NTM: variants seen among roughly 807,000 people sequenced by gnomAD.
NTM encodes neurotrimin, also known as IgLON family member 2.
In NTM, 13 loss-of-function variants were observed where a neutral mutation model predicts 42.1. That is an observed-to-expected ratio of 0.31 (90% CI 0.20 to 0.49). NTM has a LOEUF of 0.49. Ranked by LOEUF, NTM falls within the 20% of genes least tolerant of loss-of-function variation. The probability of loss-of-function intolerance (pLI) is 0.99; values close to 1 mark genes in which losing one functional copy is unlikely to be tolerated. For missense variants in NTM, 373 were observed against 452.8 expected (o/e 0.82, Z 1.60); for synonymous variants, 187 against 179.2 (o/e 1.04, Z -0.35).
rs1453690519 is a variant in NTM at position 132,070,727 on chromosome 11, C to T, written c.168-75555C>T. Among the ~76,000 whole-genome samples, 301 of 143,868 alleles carry T rather than the reference C, an allele frequency of 2.1e-3. 2 individuals carry two copies. The highest frequency in any genetic ancestry group is 7.0e-3 in the African/African-American group (272 of 38,592). 94.4% of individuals were successfully genotyped at this position (143,868 alleles called of 152,430 possible). A position where few individuals can be genotyped will look rare whatever the true frequency, so the allele number is the denominator to read the frequency against. On this transcript the variant is annotated intron_variant, in intron 2 of 8. Coordinates refer to ENST00000683400, the MANE Select transcript of NTM (RefSeq NM_001352005.2). The stretch of plus-strand genomic sequence containing the variant: ...ACAGGTTAGTTAACACGTCACACAG[C>T]CAAGTTAACACGTCAAACTGACCGT...
intron 1 of NTM, among the ~76,000 whole-genome samples, chr11:131,613,080 A>C (rs2061595463): frequency 6.6e-6 from 1 of 152,192 alleles, no homozygotes. Flanking sequence ...TGTCCTCCTC[A>C]TTCAAGCTTC....
At chr11:131,706,186 T>C (rs2076571394) in intron 1 of NTM, among the ~76,000 whole-genome samples, 1 of 151,928 alleles carries the variant, frequency 6.6e-6, no homozygotes, top group Non-Finnish European at 1.5e-5. Context: ...GGAGTGGCTA[T>C]ACTTATACTG....
At chr11:131,928,465 T>C (rs937422365) in intron 2 of NTM, among the ~76,000 whole-genome samples, 1 of 152,246 alleles carries the variant, frequency 6.6e-6, no homozygotes, top group Non-Finnish European at 1.5e-5. Context: ...AAACCTTTTC[T>C]GTGGTCTCCC....
intron 1 of NTM, among the ~76,000 whole-genome samples, chr11:131,727,273 T>C (rs1485382304): frequency 6.6e-6 from 1 of 152,204 alleles, no homozygotes; most frequent in Non-Finnish European, 1.5e-5. Context: ...TCCTTCTAAT[T>C]ACACATATGA....
intron 1 of NTM, among the ~76,000 whole-genome samples, chr11:131,890,471 C>A (rs972933627): frequency 6.6e-6 from 1 of 152,156 alleles, no homozygotes; most frequent in African/African-American, 2.4e-5. Context: ...GAGCCCTGTG[C>A]GTTGTTTACA....
chr11:132,141,252 C>CCA (rs1313461181), intron 2 of NTM, among the ~76,000 whole-genome samples: 2 of 151,218 alleles, frequency 1.3e-5, no homozygotes, highest in Non-Finnish European at 2.9e-5. Context: ...TCTCTCTCTC[C>CCA]CTCTCTCTCC....
In NTM at chr11:132,204,656, G is replaced by A. The variant is rs573492645; in HGVS notation, c.401-7366G>A. 2.6e-5 allele frequency among the ~76,000 whole-genome samples: 4 copies of A among 152,326 alleles called. No individual in the cohort carries two copies. In the East Asian group the frequency reaches 5.8e-4, roughly 22 times the overall value. ...GAGGACAGGTGGCCAGCAGGGTGAG[G>A]AAGGGAGAATGCTGTGGGAAGAGCA... is the stretch of plus-strand genomic sequence containing the variant. On this transcript the variant is annotated intron_variant, in intron 3 of 8. Transcript: ENST00000683400.
chr11:131,395,323 T>C (rs572236677), intron 1 of NTM, among the ~76,000 whole-genome samples: 2 of 152,352 alleles, frequency 1.3e-5, no homozygotes, highest in South Asian at 2.1e-4. Flanking sequence ...ATATTGCTTT[T>C]ATAGCTTTTG....
At position 131,977,562 on chromosome 11, in the gene NTM, A is replaced by G. The variant is rs561874501; in HGVS notation, c.167+65914A>G. ...TTTGGTCTTAAGGTCTTGCCAGCTC[A>G]TTGACTAATTTACTCCTAATCCTGA... On this transcript the variant is annotated intron_variant, in intron 2 of 8. Transcript: ENST00000683400. 7.9e-5 allele frequency among the ~76,000 whole-genome samples: 12 copies of G among 152,332 alleles called. No individual in the cohort carries two copies. In the East Asian group the frequency reaches 2.3e-3, roughly 29 times the overall value.
At chr11:131,690,915 G>A (rs1445197119) in intron 1 of NTM, among the ~76,000 whole-genome samples, 1 of 152,214 alleles carries the variant, frequency 6.6e-6, no homozygotes, top group African/African-American at 2.4e-5. Context: ...GGGGCGGGTG[G>A]AAGTGGAAGC....
intron 2 of NTM, among the ~76,000 whole-genome samples, chr11:132,100,879 T>G (rs1346604568): frequency 6.6e-6 from 1 of 152,212 alleles, no homozygotes; most frequent in Admixed American, 6.5e-5. Context: ...GAGGGAAGAC[T>G]TCTGCATAGA....
intron 1 of NTM, among the ~76,000 whole-genome samples, chr11:131,377,111 G>A (rs1942075223): frequency 6.6e-6 from 1 of 152,150 alleles, no homozygotes. Context: ...TGGATGGCAG[G>A]GAAGTAACCA....
At chr11:131,713,743 A>G (rs963591592) in intron 1 of NTM, among the ~76,000 whole-genome samples, 1 of 152,166 alleles carries the variant, frequency 6.6e-6, no homozygotes. Context: ...AGCAACCTCA[A>G]TTTTTGCCTC....
At chr11:131,797,971 C>T (rs2091754022) in intron 1 of NTM, among the ~76,000 whole-genome samples, 1 of 151,956 alleles carries the variant, frequency 6.6e-6, no homozygotes, top group East Asian at 1.9e-4. Context: ...TGACATTTTT[C>T]ATTTGATGGC....
chr11:131,951,379 C>G (rs1240152774), intron 2 of NTM, among the ~76,000 whole-genome samples: 1 of 152,134 alleles, frequency 6.6e-6, no homozygotes, highest in Non-Finnish European at 1.5e-5. Flanking sequence ...TAAGTAAAGG[C>G]CTATGAAAAG....
In NTM at chr11:131,424,590, C is replaced by CTTTTT. The variant is rs1565486929; in HGVS notation, c.82+53706_82+53707insTTTTT. Among the ~76,000 whole-genome samples, 6 of 51,642 alleles carry CTTTTT rather than the reference C, an allele frequency of 1.2e-4. No homozygotes were observed. In the East Asian group the frequency reaches 2.9e-3, roughly 25 times the overall value. 33.9% of individuals were successfully genotyped at this position (51,642 alleles called of 152,430 possible). A position where few individuals can be genotyped will look rare whatever the true frequency, so the allele number is the denominator to read the frequency against. Reference sequence around the variant, plus strand: ...GCAATTGCTTAGTTGTTTTTTATTTCTTTTCTTTTCTTTTTTTTTTTTTTT... The same window carrying CTTTTT: ...GCAATTGCTTAGTTGTTTTTTATTTCTTTTTTTTTCTTTTCTTTTTTTTTTTTTTT... On this transcript the variant is annotated intron_variant, in intron 1 of 8. Coordinates refer to ENST00000683400, the MANE Select transcript of NTM (RefSeq NM_001352005.2).
chr11:131,524,022 G>A (rs1293051917), intron 1 of NTM, among the ~76,000 whole-genome samples: 1 of 152,154 alleles, frequency 6.6e-6, no homozygotes. Context: ...CGGGTAGTGT[G>A]CCTTTGGTCT....
intron 1 of NTM, among the ~76,000 whole-genome samples, chr11:131,594,270 T>C (rs891002794): frequency 6.6e-6 from 1 of 152,188 alleles, no homozygotes; most frequent in African/African-American, 2.4e-5. Context: ...TGAAATCCAA[T>C]ACAACTGTCC....
rs148535302 is a variant in NTM at position 131,784,992 on chromosome 11, T to C, written c.83-126572T>C. 2.9e-3 allele frequency among the ~76,000 whole-genome samples: 439 copies of C among 152,310 alleles called. 2 individuals carry two copies. Among genetic ancestry groups the C allele is most frequent in the African/African-American group, 0.01 (418 of 41,566 alleles). ...CTCTACCTGATATAATAGTAATGTA[T>C]AAAAACTACAGTCTTTAAAATCTTC... On this transcript the variant is annotated intron_variant, in intron 1 of 8. Transcript: ENST00000683400.
Sources: allele counts gnomAD v4.1 joint callset (sites outside exome capture counted in the v4.1 genomes callset), GRCh38; gene constraint gnomAD v4.1.1; transcripts MANE v1.5; gene names NCBI Gene and HGNC (gene_info 2026-07-23, HGNC 2026-07-21).